NXPE4: variants seen among roughly 807,000 people sequenced by gnomAD.
NXPE4 encodes neurexophilin and PC-esterase domain family member 4.
Under a neutral mutation model 33.3 loss-of-function variants are expected in NXPE4, and 42 were observed. The observed-to-expected ratio is 1.26, with a 90% confidence interval of 0.98 to 1.63. NXPE4 has a LOEUF of 1.63. NXPE4 is among the 40% of genes most tolerant of loss of function. The pLI is 0.00. For missense variants in NXPE4, 709 were observed against 647.6 expected (o/e 1.09, Z -1.03); for synonymous variants, 253 against 234.9 (o/e 1.08, Z -0.71).
chr11:114,638,749 G>A, the NXPE4 span, among the ~76,000 whole-genome samples: 1 of 151,992 alleles, frequency 6.6e-6, no homozygotes, highest in Non-Finnish European at 1.5e-5. Context: ...TGTTTGCCTG[G>A]GTAACAGCAG....
the NXPE4 span, among the ~76,000 whole-genome samples, chr11:114,645,017 A>C: frequency 6.6e-6 from 1 of 151,820 alleles, no homozygotes; most frequent in African/African-American, 2.4e-5. Context: ...AAAAAAAAAA[A>C]CAGGCCGGGC....
chr11:114,651,424 CG>C, the NXPE4 span, among the ~76,000 whole-genome samples: 1 of 152,024 alleles, frequency 6.6e-6, no homozygotes, highest in Non-Finnish European at 1.5e-5. Flanking sequence ...CAAACGTTTG[CG>C]GTGAGTGTTA....
intron 2 of NXPE4, among the ~76,000 whole-genome samples, chr11:114,593,140 C>T: frequency 6.6e-6 from 1 of 152,160 alleles, no homozygotes; most frequent in East Asian, 1.9e-4. Context: ...GATAAGACCT[C>T]AAATGCACAG....
At chr11:114,599,966 G>A (rs191569280), upstream of NXPE4, among the ~76,000 whole-genome samples, 316 of 151,998 alleles carry the variant, frequency 2.1e-3, 1 homozygote, top group African/African-American at 6.6e-3. Flanking sequence ...GTAAATAATA[G>A]CATAAATAAA....
upstream of NXPE4, among the ~76,000 whole-genome samples, chr11:114,597,675 A>G (rs1015156538): frequency 6.6e-6 from 1 of 151,948 alleles, no homozygotes; most frequent in Non-Finnish European, 1.5e-5. Context: ...GGTTGATTCC[A>G]TCACTTTGTC....
chr11:114,665,822 G>A, the NXPE4 span, among the ~76,000 whole-genome samples: 1 of 152,092 alleles, frequency 6.6e-6, no homozygotes, highest in Non-Finnish European at 1.5e-5. Context: ...TCACATTACT[G>A]TAACTACTTG....
the NXPE4 span, among the ~76,000 whole-genome samples, chr11:114,637,398 G>T: frequency 6.6e-6 from 1 of 152,018 alleles, no homozygotes. Context: ...GCACACTAAT[G>T]GGTCTTGACT....
At chr11:114,618,668 G>A in the NXPE4 span, among the ~76,000 whole-genome samples, 165 of 152,148 alleles carry the variant, frequency 1.1e-3, no homozygotes, top group Middle Eastern at 0.01. Flanking sequence ...TGCCTCTTGC[G>A]TAACCAGTAT....
intron 5 of NXPE4, 109 bp downstream of exon 5, chr11:114,580,023 G>T: frequency 3.1e-6 from 3 of 960,142 alleles, no homozygotes; most frequent in Non-Finnish European, 4.9e-6. Context: ...GGTGTGTTGT[G>T]ATTGAAGAAT....
the NXPE4 span, among the ~76,000 whole-genome samples, chr11:114,630,226 G>A: frequency 6.6e-6 from 1 of 151,740 alleles, no homozygotes; most frequent in East Asian, 1.9e-4. Context: ...TCAATCCTGA[G>A]TCAAAAGAAC....
chr11:114,575,162 C>T (rs1591327721), intron 5 of NXPE4, among the ~76,000 whole-genome samples: 1 of 152,148 alleles, frequency 6.6e-6, no homozygotes, highest in East Asian at 1.9e-4. Flanking sequence ...TTAAAACCCT[C>T]AGCAAAATCA....
chr11:114,610,739 C>T, the NXPE4 span, among the ~76,000 whole-genome samples: 14 of 151,892 alleles, frequency 9.2e-5, no homozygotes, highest in African/African-American at 2.4e-4. Context: ...CCACTGTTGC[C>T]CTTTGGATAA....
the NXPE4 span, among the ~76,000 whole-genome samples, chr11:114,619,006 A>G: frequency 3.3e-5 from 5 of 152,136 alleles, no homozygotes; most frequent in Middle Eastern, 3.4e-3. Context: ...CTTCTAGGGT[A>G]ACCACTGTTA....
At chr11:114,663,444 GT>G in the NXPE4 span, among the ~76,000 whole-genome samples, 88 of 152,156 alleles carry the variant, frequency 5.8e-4, no homozygotes, top group Non-Finnish European at 1.2e-3. Flanking sequence ...AATGGGGGTT[GT>G]CTTAGAAGGA....
chr11:114,618,104 T>C, the NXPE4 span, among the ~76,000 whole-genome samples: 1 of 132,652 alleles, frequency 7.5e-6, no homozygotes, highest in African/African-American at 2.9e-5. Context: ...CCGGTGGATA[T>C]TAAGTGTCGC....
the NXPE4 span, among the ~76,000 whole-genome samples, chr11:114,609,105 G>C: frequency 6.6e-6 from 1 of 151,980 alleles, no homozygotes; most frequent in Admixed American, 6.6e-5. Flanking sequence ...TTGCCTCATG[G>C]GTAGCTACTG....
In NXPE4 at chr11:114,581,743, T is replaced by C. The variant is rs1347503473; in HGVS notation, c.874A>G (p.Ser292Gly). Residue 292 changes from serine to glycine, a missense_variant, in exon 4 of 6, where the codon AGT (serine) becomes GGT (glycine). Coordinates refer to ENST00000375478, the MANE Select transcript of NXPE4 (RefSeq NM_001077639.2). The stretch of plus-strand genomic sequence containing the variant: ...TACTTACTGTTGCATTTGGAGACAC[T>C]AATTGTATTGAATTTTTCCATAATC... ...VEIMEKFNTI[S>G]VSKCNKETVA... is the part of the protein sequence containing the mutation. 6.2e-7 allele frequency: 1 copy of C among 1,612,128 alleles called. No individual in the cohort carries two copies. Among genetic ancestry groups the C allele is most frequent in the African/African-American group, 1.3e-5 (1 of 74,868 alleles).
the NXPE4 span, among the ~76,000 whole-genome samples, chr11:114,661,707 A>T: frequency 3.9e-5 from 6 of 152,246 alleles, no homozygotes; most frequent in Non-Finnish European, 7.3e-5. Context: ...AGGGAGAAGA[A>T]CTGCATTGGC....
chr11:114,639,966 TATTATATATA>T, the NXPE4 span, among the ~76,000 whole-genome samples: 43 of 74,972 alleles, frequency 5.7e-4, no homozygotes, highest in Non-Finnish European at 6.7e-4. Context: ...GTATTAAATA[TATTATATATA>T]ATATAATATA....
Sources: allele counts gnomAD v4.1 joint callset (sites outside exome capture counted in the v4.1 genomes callset), GRCh38; gene constraint gnomAD v4.1.1; transcripts MANE v1.5; gene names NCBI Gene and HGNC (gene_info 2026-07-23, HGNC 2026-07-21).